The following ROBO2 variants were observed in gnomAD, a reference collection of about 807,000 sequenced individuals.
ROBO2 encodes the protein roundabout homolog 2.
Under a neutral mutation model 160.8 loss-of-function variants are expected in ROBO2, and 53 were observed. The ratio of observed to expected loss-of-function variants is 0.33; its 90% confidence interval spans 0.26 to 0.41. The LOEUF is 0.41. Ranked by LOEUF, ROBO2 falls within the 10% of genes least tolerant of loss-of-function variation. The probability of loss-of-function intolerance (pLI) is 1.00; values close to 1 mark genes in which losing one functional copy is unlikely to be tolerated. For synonymous variants in ROBO2, 664 were observed against 611.7 expected, an observed-to-expected ratio of 1.09 and a Z score of -1.26; for missense variants, 1,577 against 1,722.4, an observed-to-expected ratio of 0.92 and a Z score of 1.49.
chr3:77,260,392 A>G (rs2153331347), intron 2 of ROBO2, among the ~76,000 whole-genome samples: 1 of 152,262 alleles, frequency 6.6e-6, no homozygotes, highest in South Asian at 2.1e-4. Context: ...TTTAATTCCT[A>G]GGGAAACTTA....
chr3:76,042,481 G>A (rs777991539), intron 2 of ROBO2, among the ~76,000 whole-genome samples: 11 of 152,110 alleles, frequency 7.2e-5, no homozygotes, highest in South Asian at 4.1e-4. Context: ...ATTTACATAG[G>A]TTTAAGTGTT....
chr3:76,531,076 T>C (rs2082199132), intron 2 of ROBO2, among the ~76,000 whole-genome samples: 1 of 152,160 alleles, frequency 6.6e-6, no homozygotes, highest in African/African-American at 2.4e-5. Flanking sequence ...TGAAGCAAAG[T>C]CATAAAATTC....
chr3:77,254,066 T>C (rs1372789433), intron 2 of ROBO2, among the ~76,000 whole-genome samples: 2 of 152,178 alleles, frequency 1.3e-5, no homozygotes, highest in Non-Finnish European at 2.9e-5. Context: ...TTTAAAGATA[T>C]ATAGCCTGGG....
At chr3:76,584,619 A>T (rs1269006620) in intron 2 of ROBO2, among the ~76,000 whole-genome samples, 6 of 152,188 alleles carry the variant, frequency 3.9e-5, no homozygotes, top group African/African-American at 1.4e-4. Context: ...AACGCAGCTG[A>T]CATCTTGATC....
intron 20 of ROBO2, 105 bp from the exon 22 acceptor site, chr3:77,607,693 A>C: frequency 1.0e-6 from 1 of 997,748 alleles, no homozygotes; most frequent in African/African-American, 1.6e-5. Context: ...AACAACTCCA[A>C]CATACTGATT....
At chr3:76,241,069 T>C (rs771665310) in intron 2 of ROBO2, among the ~76,000 whole-genome samples, 2 of 152,198 alleles carry the variant, frequency 1.3e-5, no homozygotes, top group African/African-American at 2.4e-5. Context: ...TTTGTAAAGA[T>C]AGGAATCTAT....
chr3:76,916,031 C>T (rs2148959507), intron 2 of ROBO2, among the ~76,000 whole-genome samples: 1 of 152,240 alleles, frequency 6.6e-6, no homozygotes, highest in East Asian at 1.9e-4. Flanking sequence ...ACCTAATCAC[C>T]TCCCAAAGGC....
chr3:77,209,913 T>C (rs536605166), intron 2 of ROBO2, among the ~76,000 whole-genome samples: 2 of 152,300 alleles, frequency 1.3e-5, no homozygotes, highest in South Asian at 4.1e-4. Context: ...CAGGTGATTC[T>C]AATGTGTGGG....
At chr3:76,771,314 A>G (rs2061893151) in intron 2 of ROBO2, among the ~76,000 whole-genome samples, 2 of 151,312 alleles carry the variant, frequency 1.3e-5, no homozygotes. Flanking sequence ...ATCTATTGTT[A>G]AAATTAATTT....
intron 2 of ROBO2, among the ~76,000 whole-genome samples, chr3:76,087,708 T>G (rs73842969): frequency 0.021 from 3,164 of 152,152 alleles, 39 homozygotes; most frequent in East Asian, 0.082. Context: ...TCTGTTCATA[T>G]ATATGGCTAA....
At chr3:76,209,351 A>G (rs1703000590) in intron 2 of ROBO2, among the ~76,000 whole-genome samples, 1 of 152,202 alleles carries the variant, frequency 6.6e-6, no homozygotes, top group Admixed American at 6.5e-5. Context: ...ACTCTTTGAT[A>G]TGTGTTCATT....
rs144803655 is a variant in ROBO2, at chr3:76,572,079, G to A, written c.110-525935G>A. ...TATACCTGAAGTATTTGATAGAAATGCTTTCTATAAATAATATGTGGCACT... is the reference window on the plus strand; with the variant it reads ...TATACCTGAAGTATTTGATAGAAATACTTTCTATAAATAATATGTGGCACT... On this transcript the variant is annotated intron_variant, in intron 2 of 26. Transcript: ENST00000487694. Among the ~76,000 whole-genome samples the A allele has an allele frequency of 1.7e-3, 252 of 152,252 alleles. 7 individuals are homozygous for A. In the East Asian group the frequency reaches 0.024, roughly 15 times the overall value.
At chr3:76,909,821 AG>A (rs2075853783) in intron 2 of ROBO2, among the ~76,000 whole-genome samples, 1 of 152,202 alleles carries the variant, frequency 6.6e-6, no homozygotes, top group Non-Finnish European at 1.5e-5. Context: ...TCATGATTTG[AG>A]GGGAAAAGTC....
intron 2 of ROBO2, among the ~76,000 whole-genome samples, chr3:76,842,709 T>G (rs952219349): frequency 1.3e-5 from 2 of 152,156 alleles, no homozygotes; most frequent in Non-Finnish European, 2.9e-5. Context: ...TTATAAATAT[T>G]TTTTTATTTA....
chr3:76,429,549 G>A (rs890703252), intron 2 of ROBO2, among the ~76,000 whole-genome samples: 4 of 152,138 alleles, frequency 2.6e-5, no homozygotes, highest in Non-Finnish European at 5.9e-5. Flanking sequence ...TCAGAAAAAT[G>A]TATGTTATTC....
chr3:76,999,500 G>A (rs2061223483), intron 2 of ROBO2, among the ~76,000 whole-genome samples: 2 of 152,000 alleles, frequency 1.3e-5, no homozygotes, highest in African/African-American at 4.8e-5. Context: ...AATTCTTTTG[G>A]TGTAGGACTC....
chr3:77,645,941 A>G (rs577143623), intron 25 of ROBO2, 113 bp from the exon 28 acceptor site: 37 of 675,354 alleles, frequency 5.5e-5, no homozygotes, highest in Non-Finnish European at 8.8e-5. Context: ...AAACTCATCT[A>G]TCTGAAGACC....
chr3:76,961,195 T>A lies in ROBO2; in HGVS notation c.110-136819T>A, dbSNP rs112762041. ...AAAGACAGACCCTGCTCAATCAGAA[T>A]TTCCATGGATAGTTCAGATCATTTA... On this transcript the variant is annotated intron_variant, in intron 2 of 26. Coordinates refer to the ROBO2 transcript ENST00000487694. Among the ~76,000 whole-genome samples the A allele has an allele frequency of 5.7e-3, 838 of 146,808 alleles. 7 individuals carry two copies. The highest frequency in any genetic ancestry group is 0.02 in the African/African-American group (779 of 38,218).
At chr3:77,238,538 T>G (rs1045575870) in intron 2 of ROBO2, among the ~76,000 whole-genome samples, 1 of 152,150 alleles carries the variant, frequency 6.6e-6, no homozygotes, top group Non-Finnish European at 1.5e-5. Context: ...TCTTAATAGC[T>G]TTCTATTAAA....
Sources: allele counts gnomAD v4.1 joint callset (sites outside exome capture counted in the v4.1 genomes callset), GRCh38; gene constraint gnomAD v4.1.1; transcripts MANE v1.5; gene names NCBI Gene and HGNC (gene_info 2026-07-23, HGNC 2026-07-21).